Variants in MARF1 observed in about 807,000 individuals in gnomAD.
MARF1 encodes the protein limkain-b1.
MARF1 carries 24 observed loss-of-function variants against 168.2 expected under a neutral mutation model. The ratio of observed to expected loss-of-function variants is 0.14; its 90% CI spans 0.10 to 0.20. The LOEUF is 0.20. Among genes scored for constraint, MARF1 ranks in the 10% least tolerant of loss-of-function variants. The probability of loss-of-function intolerance (pLI) is 1.00; values close to 1 mark genes in which losing one functional copy is unlikely to be tolerated. For synonymous variants in MARF1, 868 were observed against 822.4 expected (o/e 1.06, Z -0.95); for missense variants, 1,744 against 2,143.6 (o/e 0.81, Z 3.68).
At chr16:15,639,330 C>T in intron 1 of MARF1, 39 bp from the exon 2 acceptor site, 1 of 1,370,164 alleles carries the variant, frequency 7.3e-7, no homozygotes, top group Non-Finnish European at 1.0e-6. Context: ...TATTTCCTTG[C>T]ATAAGTACAA....
intron 16 of MARF1, 22 bp from the exon 17 acceptor site, chr16:15,612,799 T>C: frequency 6.3e-7 from 1 of 1,597,294 alleles, no homozygotes; most frequent in Non-Finnish European, 8.6e-7. Context: ...AGAACGTGTA[T>C]AAGACAGAAA....
intron 26 of MARF1, among the ~76,000 whole-genome samples, chr16:15,597,716 C>T (rs775530629): frequency 3.9e-5 from 6 of 152,180 alleles, no homozygotes; most frequent in Non-Finnish European, 8.8e-5. Context: ...GACAGAACTG[C>T]CCACAGTGTT....
rs182131708 is a variant in MARF1 at position 15,629,388 on chromosome 16, G to A, written c.1524+944C>T. Among the ~76,000 whole-genome samples the A allele has an allele frequency of 6.6e-5, 10 of 152,208 alleles. No homozygotes were observed. The South Asian group carries it at 1.2e-3, about 19-fold the overall frequency. On this transcript the variant is annotated intron_variant, in intron 7 of 26. Transcript: ENST00000396368. ...GACCGCAGGGGGCTTGTTGGGTATC[G>A]GGGACACAGGTGACTAGCAGGCAAG...
At chr16:15,639,585 GA>G (rs1163715782) in intron 1 of MARF1, among the ~76,000 whole-genome samples, 3 of 152,150 alleles carry the variant, frequency 2.0e-5, no homozygotes, top group Non-Finnish European at 2.9e-5. Flanking sequence ...ATTTTTAGTA[GA>G]GATGGGGTTT....
At position 15,599,042 on chromosome 16, in the gene MARF1, G is replaced by C; in HGVS notation, c.4814-18C>G. ...ACTGGGCCCTGGGCAAACAAGGAGG[G>C]CCGTGACACCACAGGACCTCCACGC... On this transcript the variant is annotated intron_variant, in intron 25 of 26. Coordinates refer to ENST00000396368, the MANE Select transcript of MARF1 (RefSeq NM_014647.4). 1 of 1,602,818 alleles carries C rather than the reference G, an allele frequency of 6.2e-7. No individual in the cohort carries two copies. Among genetic ancestry groups the C allele is most frequent in the East Asian group, 2.2e-5 (1 of 44,794 alleles).
Position 15,639,303 on chromosome 16 carries a change from G to T in MARF1, c.-58-12C>A, listed in dbSNP as rs966570660. The T allele has an allele frequency of 1.3e-6, 2 of 1,513,980 alleles. No individual in the cohort carries two copies. The highest frequency in any genetic ancestry group is 1.8e-6 in the Non-Finnish European group (2 of 1,120,538). 93.8% of individuals were successfully genotyped at this position (1,513,980 alleles called of 1,614,324 possible). The stretch of plus-strand genomic sequence containing the variant: ...TTCATTCTTCCACCCTGTTAAGAAT[G>T]AGTAAGATTTCAGTGTTATTTCCTT... On this transcript the variant is annotated splice_polypyrimidine_tract_variant and intron_variant, in intron 1 of 26. Transcript: ENST00000396368.
rs1045947754 is a variant in MARF1, at chr16:15,596,888, T to C, written c.5034A>G (p.Gly1678=). 6.2e-7 allele frequency: 1 copy of C among 1,613,222 alleles called. No individual in the cohort carries two copies. The highest frequency in any genetic ancestry group is 8.5e-7 in the Non-Finnish European group (1 of 1,179,432). The change falls in exon 27 of 27, where the codon GGA becomes GGG. Residue 1678 remains glycine (G), a synonymous_variant. Coordinates refer to ENST00000396368, the MANE Select transcript of MARF1 (RefSeq NM_014647.4). ...AGTCAGAGGTCAGAGTTTTGCTCTT[T>C]CCTGGTATTGGAATCTCCATTTTTT... ...QEEKMEIPIP[G]KSKTLTSDSS...
chr16:15,627,479 G>A (rs1248128034), intron 7 of MARF1, among the ~76,000 whole-genome samples: 9 of 152,018 alleles, frequency 5.9e-5, no homozygotes, highest in African/African-American at 1.7e-4. Flanking sequence ...TTAGCCAGGC[G>A]TGGTGGCGGG....
chr16:15,624,215 G>A (rs912190534), intron 10 of MARF1, among the ~76,000 whole-genome samples: 4 of 152,060 alleles, frequency 2.6e-5, no homozygotes, highest in Admixed American at 1.3e-4. Flanking sequence ...CACCACGCCC[G>A]GCTGATCCAT....
chr16:15,617,678 A>G, intron 13 of MARF1, 143 bp from the exon 14 acceptor site: 2 of 642,430 alleles, frequency 3.1e-6, no homozygotes, highest in South Asian at 3.8e-5. Flanking sequence ...TTCTACTACA[A>G]ATTCATTCAC....
At chr16:15,621,246 A>ATT (rs2034439636) in intron 12 of MARF1, among the ~76,000 whole-genome samples, 1 of 152,218 alleles carries the variant, frequency 6.6e-6, no homozygotes, top group Non-Finnish European at 1.5e-5. Flanking sequence ...AAGAAGTATC[A>ATT]CATTTTACTA....
chr16:15,615,776 T>C, intron 16 of MARF1, 54 bp downstream of exon 16: 1 of 1,328,610 alleles, frequency 7.5e-7, no homozygotes, highest in Non-Finnish European at 9.9e-7. Context: ...AATAGCCTCC[T>C]CTGGTCTCAT....
At chr16:15,624,376 T>C (rs1312627284) in intron 10 of MARF1, among the ~76,000 whole-genome samples, 3 of 152,224 alleles carry the variant, frequency 2.0e-5, no homozygotes, top group African/African-American at 4.8e-5. Flanking sequence ...ATAATTACCA[T>C]GGTTTACAGA....
In MARF1 at chr16:15,608,478, T is replaced by C. The variant is rs750335994; in HGVS notation, c.3995A>G (p.Glu1332Gly). ...CGEEKILTLT[E>G]VERFKALAAQ... ...AGCTAGAGCTTTGAACCGCTCCACCTCTGTCAGAGTAAGGATCTTTTCTTC... is the reference window on the plus strand; with the variant it reads ...AGCTAGAGCTTTGAACCGCTCCACCCCTGTCAGAGTAAGGATCTTTTCTTC... Residue 1332 changes from glutamate (E) to glycine (G), a missense_variant, in exon 21 of 27, where the codon GAG (glutamate) becomes GGG (glycine). Coordinates refer to ENST00000396368, the MANE Select transcript of MARF1 (RefSeq NM_014647.4). The C allele has an allele frequency of 6.2e-7, 1 of 1,614,098 alleles. No homozygotes were observed. Among genetic ancestry groups the C allele is most frequent in the Non-Finnish European group, 8.5e-7 (1 of 1,179,976 alleles).
rs759326635 is a variant in MARF1, at chr16:15,609,716, T to A, written c.3761A>T (p.Gln1254Leu). The A allele has an allele frequency of 6.2e-7, 1 of 1,613,778 alleles. No homozygotes were observed. Among genetic ancestry groups the A allele is most frequent in the East Asian group, 2.2e-5 (1 of 44,878 alleles). Residue 1254 changes from glutamine to leucine, a missense_variant, in exon 20 of 27, where the codon CAG becomes CTG. Around this residue, in one of 7 missense-constraint regions of MARF1, gnomAD observed 543 missense variants for 742.1 expected, o/e 0.73. Coordinates refer to ENST00000396368, the MANE Select transcript of MARF1 (RefSeq NM_014647.4). ...CTGTTTTGTCCTTTCTATTTCATCC[T>A]GAGTGCGTTCTTTTAAAAAAACCAA... The part of the protein sequence containing the change: ...VICIPKRERT[Q>L]DEIERTKQFS...
chr16:15,636,034 C>G lies in MARF1; in HGVS notation c.453G>C (p.Gly151=), dbSNP rs1189934488. ...TRTITCQVGS[G]FAFQSASSLQ... ...GTGAAGATGCAGACTGGAAAGCAAA[C>G]CCTGACCCTACCTGACACGTGATTG... The change falls in exon 3 of 27, where the codon GGG becomes GGC. Residue 151 remains glycine, a synonymous_variant. Coordinates refer to ENST00000396368, the MANE Select transcript of MARF1 (RefSeq NM_014647.4). 1 of 1,614,210 alleles carries G rather than the reference C, an allele frequency of 6.2e-7. No individual in the cohort carries two copies. Among genetic ancestry groups the G allele is most frequent in the South Asian group, 1.1e-5 (1 of 91,088 alleles).
chr16:15,620,382 A>C, intron 13 of MARF1, 69 bp downstream of exon 13: 1 of 874,160 alleles, frequency 1.1e-6, no homozygotes, highest in Non-Finnish European at 1.8e-6. Context: ...AAGAGTCATT[A>C]CCATGGTTTT....
intron 21 of MARF1, 81 bp downstream of exon 21, chr16:15,608,210 C>T: frequency 3.4e-6 from 3 of 889,858 alleles, no homozygotes; most frequent in South Asian, 3.4e-5. Context: ...CTACAGCACA[C>T]GCAAACGTCC....
chr16:15,602,712 G>A (rs2032623312), intron 22 of MARF1: 1 of 448,628 alleles, frequency 2.2e-6, no homozygotes, highest in African/African-American at 2.0e-5. Flanking sequence ...GCAAACTTCA[G>A]TTCTATTTGC....
Sources: allele counts gnomAD v4.1 joint callset (sites outside exome capture counted in the v4.1 genomes callset), GRCh38; gene constraint gnomAD v4.1.1; regional missense constraint gnomAD v4.1.1; transcripts MANE v1.5; gene names NCBI Gene and HGNC (gene_info 2026-07-23, HGNC 2026-07-21).